The following FRY variants were observed in gnomAD, a reference collection of about 807,000 sequenced individuals.
The protein encoded by FRY is protein furry homolog.
Under a neutral mutation model 348.4 loss-of-function variants are expected in FRY, and 128 were observed. That is an observed-to-expected ratio of 0.37 (90% CI 0.32 to 0.43). The LOEUF is 0.43. FRY is among the 20% of genes least tolerant of loss of function. The pLI is 1.00. For missense variants in FRY, 2,736 were observed against 3,695.2 expected (o/e 0.74, Z 6.73); for synonymous variants, 1,370 against 1,374.7 (o/e 1.00, Z 0.08).
At chr13:32,067,254 A>G (rs868426292) in intron 1 of FRY, among the ~76,000 whole-genome samples, 4 of 152,214 alleles carry the variant, frequency 2.6e-5, no homozygotes, top group Admixed American at 6.5e-5. Context: ...CCTGGGTCAA[A>G]TGCCACCTAT....
rs1880219103 is a variant in FRY, at chr13:32,143,635, G to A, written c.1180-3647G>A. Among the ~76,000 whole-genome samples, 4 of 152,024 alleles carry A rather than the reference G, an allele frequency of 2.6e-5. No individual in the cohort carries two copies. The South Asian group carries it at 8.3e-4, about 32-fold the overall frequency. ...ATCATGATACACAATGAGAGATTATGAATATGAAAGAATTTCAAATGATAT... is the reference window on the plus strand; with the variant it reads ...ATCATGATACACAATGAGAGATTATAAATATGAAAGAATTTCAAATGATAT... On this transcript the variant is annotated intron_variant, in intron 11 of 60. Transcript: ENST00000542859.
In FRY at chr13:32,185,230, C is replaced by T. The variant is rs145147420; in HGVS notation, c.3319+82C>T. 2.4e-4 allele frequency: 289 copies of T among 1,225,316 alleles called. 1 individual carries two copies. In the African/African-American group the frequency reaches 3.9e-3, roughly 17 times the overall value. The allele number at this position is 1,225,316 out of a possible 1,614,324, so 75.9% of individuals were successfully genotyped here. ...TTTATTACGGTGCTTTCGTCTTTAA[C>T]CCTACTGGCCTTTATGCAGGTCTGG... On this transcript the variant is annotated intron_variant, in intron 26 of 60. Transcript: ENST00000542859.
rs747638178 is a variant in FRY, at chr13:32,147,869, C to T, written c.1314C>T (p.Phe438=). 1.3e-4 allele frequency: 211 copies of T among 1,610,436 alleles called. 3 individuals carry two copies. In the South Asian group the frequency reaches 2.0e-3, roughly 15 times the overall value. Residue 438 remains phenylalanine (F), a synonymous_variant, in exon 13 of 61, where the codon TTC becomes TTT. Coordinates refer to ENST00000542859, the MANE Select transcript of FRY (RefSeq NM_023037.3). ...SRLITIITTL[F]PKGSRGVVPR... ...TTATAACCATCATCACAACACTTTT[C>T]CCCAAAGGGTCCCGCGGTGTGGTAC...
At chr13:32,146,551 G>A (rs372834762) in intron 11 of FRY, among the ~76,000 whole-genome samples, 2 of 152,066 alleles carry the variant, frequency 1.3e-5, no homozygotes, top group Admixed American at 6.6e-5. Flanking sequence ...GGCCAGGCTG[G>A]TATTGAACTC....
chr13:32,071,239 T>G (rs1407619902), intron 1 of FRY, among the ~76,000 whole-genome samples: 1 of 152,222 alleles, frequency 6.6e-6, no homozygotes, highest in Non-Finnish European at 1.5e-5. Context: ...TTTTTTCCAA[T>G]TCTGTGAGGA....
intron 4 of FRY, among the ~76,000 whole-genome samples, chr13:32,121,709 T>C (rs1016388044): frequency 5.9e-5 from 9 of 152,214 alleles, no homozygotes; most frequent in African/African-American, 2.2e-4. Flanking sequence ...TTGTGAAGAT[T>C]TTCTCCCACT....
intron 17 of FRY, among the ~76,000 whole-genome samples, chr13:32,165,674 C>G (rs1013659318): frequency 2.0e-5 from 3 of 152,118 alleles, no homozygotes; most frequent in Non-Finnish European, 4.4e-5. Context: ...GGATGTTTCT[C>G]CTAATTTATC....
In FRY at chr13:32,161,141, T is replaced by A; in HGVS notation, c.1785-3T>A. 1 of 1,588,698 alleles carries A rather than the reference T, an allele frequency of 6.3e-7. No individual in the cohort carries two copies. The highest frequency in any genetic ancestry group is 8.6e-7 in the Non-Finnish European group (1 of 1,156,950). On this transcript the variant is annotated splice_polypyrimidine_tract_variant and splice_region_variant and intron_variant, in intron 16 of 60. Transcript: ENST00000542859. ...ATTTTAAAATTTTGTCTTCTAATTC[T>A]AGGGGTGAGAGAAAGCCAAAAATAG...
At chr13:32,155,423 A>T in intron 14 of FRY, 68 bp from the exon 15 acceptor site, 1 of 1,124,460 alleles carries the variant, frequency 8.9e-7, no homozygotes, top group Non-Finnish European at 1.4e-6. Flanking sequence ...TATCTGAAAG[A>T]CTTATGGATG....
At chr13:32,213,507 G>T (rs1884804032) in intron 35 of FRY, among the ~76,000 whole-genome samples, 1 of 152,090 alleles carries the variant, frequency 6.6e-6, no homozygotes, top group Admixed American at 6.5e-5. Context: ...TTCTTTCTCA[G>T]GAATGAATAA....
At chr13:32,217,316 A>T (rs1388801878) in intron 35 of FRY, among the ~76,000 whole-genome samples, 1 of 152,164 alleles carries the variant, frequency 6.6e-6, no homozygotes, top group Admixed American at 6.5e-5. Flanking sequence ...AAATATAGAC[A>T]TACCATTTTG....
chr13:32,269,383 A>AG (rs1341793408), intron 55 of FRY, among the ~76,000 whole-genome samples: 8 of 152,182 alleles, frequency 5.3e-5, no homozygotes, highest in South Asian at 2.1e-4. Context: ...CCTCCTGCTT[A>AG]GTAACCCTTA....
chr13:32,187,882 G>A (rs1883116711), intron 28 of FRY, among the ~76,000 whole-genome samples: 1 of 152,084 alleles, frequency 6.6e-6, no homozygotes, highest in African/African-American at 2.4e-5. Context: ...CTCAACAAAG[G>A]TCACATTAGT....
At chr13:32,070,579 A>G in intron 1 of FRY, among the ~76,000 whole-genome samples, 1 of 147,840 alleles carries the variant, frequency 6.8e-6, no homozygotes, top group African/African-American at 2.5e-5. Context: ...TTTTCTTGTA[A>G]GTTTGTTTAA....
chr13:32,275,989 A>G lies in FRY; in HGVS notation c.8287-475A>G, dbSNP rs184012760. On this transcript the variant is annotated intron_variant, in intron 56 of 60. Transcript: ENST00000542859. ...TGATTTTAAAAGTCTCTGAAGAGTC[A>G]AGTCCTTCCAAGAATCTGTTTGGTG... Among the ~76,000 whole-genome samples, 139 of 152,276 alleles carry G rather than the reference A, an allele frequency of 9.1e-4. 1 individual carries two copies. Among genetic ancestry groups the G allele is most frequent in the Non-Finnish European group, 1.9e-3 (126 of 68,024 alleles).
chr13:32,054,806 C>T (rs1474262282), intron 1 of FRY, among the ~76,000 whole-genome samples: 2 of 152,072 alleles, frequency 1.3e-5, no homozygotes, highest in African/African-American at 4.8e-5. Flanking sequence ...ACCCGAGTGG[C>T]GGAGCTTGCA....
chr13:32,037,039 C>A (rs915458717), intron 1 of FRY, among the ~76,000 whole-genome samples: 2 of 95,682 alleles, frequency 2.1e-5, no homozygotes, highest in Non-Finnish European at 4.8e-5. Flanking sequence ...CACACACACA[C>A]ACACACACAC....
intron 14 of FRY, among the ~76,000 whole-genome samples, chr13:32,153,544 C>CA (rs1219123531): frequency 6.6e-6 from 1 of 152,100 alleles, no homozygotes; most frequent in Non-Finnish European, 1.5e-5. Flanking sequence ...AGACTAACCG[C>CA]AAAAACGCAC....
intron 15 of FRY, among the ~76,000 whole-genome samples, chr13:32,156,005 CT>C (rs1881082786): frequency 6.7e-6 from 1 of 149,478 alleles, no homozygotes. Flanking sequence ...TCATCTCCTT[CT>C]TTTTTCTTTA....
Sources: allele counts gnomAD v4.1 joint callset (sites outside exome capture counted in the v4.1 genomes callset), GRCh38; gene constraint gnomAD v4.1.1; transcripts MANE v1.5; gene names NCBI Gene and HGNC (gene_info 2026-07-23, HGNC 2026-07-21).